RNF17: variants seen among roughly 807,000 people sequenced by gnomAD.
The protein encoded by RNF17 is ring finger protein 17, also known as spermatogenesis associated 23.
Under a neutral mutation model 200.5 loss-of-function variants are expected in RNF17, and 31 were observed. The ratio of observed to expected loss-of-function variants is 0.15; its 90% CI spans 0.12 to 0.21. The LOEUF is 0.21. Among genes scored for constraint, RNF17 ranks in the 10% least tolerant of loss-of-function variants. The pLI is 1.00. For synonymous variants in RNF17, 606 were observed against 637.8 expected (o/e 0.95, Z 0.75); for missense variants, 1,628 against 1,905.1 (o/e 0.85, Z 2.71).
intron 2 of RNF17, among the ~76,000 whole-genome samples, chr13:24,774,490 G>A (rs545963604): frequency 2.0e-5 from 3 of 152,360 alleles, no homozygotes; most frequent in African/African-American, 7.2e-5. Context: ...GATTACGGGC[G>A]TGAGCCCTCA....
At chr13:24,785,419 C>T (rs1646229082) in intron 6 of RNF17, among the ~76,000 whole-genome samples, 1 of 152,082 alleles carries the variant, frequency 6.6e-6, no homozygotes, top group Admixed American at 6.6e-5. Flanking sequence ...CCATTGTAGT[C>T]AGAAAAGATA....
chr13:24,881,055 A>G (rs1452652868), downstream of RNF17, among the ~76,000 whole-genome samples: 1 of 152,146 alleles, frequency 6.6e-6, no homozygotes, highest in Non-Finnish European at 1.5e-5. Flanking sequence ...AATGTATTCT[A>G]GTCATCCTTG....
intron 22 of RNF17, 94 bp from the exon 23 acceptor site, chr13:24,850,247 A>G (rs138661167): frequency 1.3e-5 from 9 of 686,486 alleles, no homozygotes; most frequent in African/African-American, 1.1e-4. Flanking sequence ...GGTTCAAACT[A>G]TGAGTGTATC....
intron 19 of RNF17, 118 bp downstream of exon 19, chr13:24,842,279 G>A: frequency 1.2e-6 from 1 of 823,586 alleles, no homozygotes; most frequent in Non-Finnish European, 1.8e-6. Flanking sequence ...GTAGACCTGA[G>A]AATTTTCCCT....
Position 24,800,374 on chromosome 13 carries a change from A to T in RNF17, c.1598A>T (p.Asp533Val). Residue 533 changes from aspartate (D) to valine (V), a missense_variant, in exon 13 of 36, where the codon GAT (aspartate) becomes GTT (valine). By Grantham distance (152) the Asp-to-Val change is radical. Transcript: ENST00000255324. ...ACTTGAATTTCTCCTAGAGTTGTTG[A>T]TACCCATGTGAGACCAGAACACTCT... ...SEVLIVTGVV[D>V]THVRPEHSAK... The T allele has an allele frequency of 6.3e-7, 1 of 1,580,430 alleles. No homozygotes were observed. The highest frequency in any genetic ancestry group is 8.6e-7 in the Non-Finnish European group (1 of 1,159,582).
At chr13:24,808,200 G>C (rs543289494) in intron 15 of RNF17, among the ~76,000 whole-genome samples, 33 of 151,974 alleles carry the variant, frequency 2.2e-4, no homozygotes, top group African/African-American at 7.2e-4. Flanking sequence ...TTGGTAGCTT[G>C]ATGGGGATGG....
At chr13:24,882,966 G>T (rs552883565), downstream of RNF17, 58 of 568,424 alleles carry the variant, frequency 1.0e-4, no homozygotes, top group African/African-American at 9.2e-4. Context: ...GCTTTCCTTA[G>T]TCTATTGAAA....
intron 15 of RNF17, among the ~76,000 whole-genome samples, chr13:24,815,199 G>C (rs1887231603): frequency 6.6e-6 from 1 of 152,034 alleles, no homozygotes; most frequent in Admixed American, 6.6e-5. Context: ...CATTTAGTTA[G>C]ATCTTATTTA....
At chr13:24,865,190 C>G (rs1893493557) in intron 29 of RNF17, among the ~76,000 whole-genome samples, 192 bp downstream of exon 29, 1 of 152,176 alleles carries the variant, frequency 6.6e-6, no homozygotes, top group Non-Finnish European at 1.5e-5. Flanking sequence ...CTGTAAAAGA[C>G]TTTAATTACA....
rs1007447484 is a variant in RNF17 at position 24,778,527 on chromosome 13, C to G, written c.429+121C>G. On this transcript the variant is annotated intron_variant, in intron 4 of 35. Transcript: ENST00000255324. Reference sequence around the variant, plus strand: ...TGGAAGTTTATACGTAACAAGTTAACCCACCCTCTTACTTGAATCTCTTTT... The same window carrying G: ...TGGAAGTTTATACGTAACAAGTTAAGCCACCCTCTTACTTGAATCTCTTTT... The G allele has an allele frequency of 4.2e-6, 3 of 710,112 alleles. No homozygotes were observed. In the East Asian group the frequency reaches 8.0e-5, roughly 19 times the overall value. The allele number at this position is 710,112 out of a possible 1,614,324, so 44.0% of individuals were successfully genotyped here.
chr13:24,792,995 C>T (rs1244624631), intron 9 of RNF17, 47 bp from the exon 10 acceptor site: 1 of 1,264,700 alleles, frequency 7.9e-7, no homozygotes, highest in African/African-American at 1.5e-5. Flanking sequence ...CATGGTTGTA[C>T]CATATACCTC....
chr13:24,775,225 C>T (rs1250112623), intron 3 of RNF17, among the ~76,000 whole-genome samples: 1 of 152,168 alleles, frequency 6.6e-6, no homozygotes, highest in African/African-American at 2.4e-5. Flanking sequence ...TTAGTTCTCT[C>T]TTGATTCTTT....
At chr13:24,756,200 T>A in the RNF17 span, among the ~76,000 whole-genome samples, 1 of 152,090 alleles carries the variant, frequency 6.6e-6, no homozygotes, top group Non-Finnish European at 1.5e-5. Flanking sequence ...AATAATGTCA[T>A]AAAAATATGG....
rs3213987 is a variant in RNF17 at position 24,858,980 on chromosome 13, A to G, written c.3611-21A>G. On this transcript the variant is annotated intron_variant, in intron 25 of 35. Coordinates refer to ENST00000255324, the MANE Select transcript of RNF17 (RefSeq NM_031277.3). ...TAGGGAATTTTCCTTAATGCTTTCT[A>G]TCTTTAATACTTTTTTTCAGAATTT... The G allele has an allele frequency of 4.8e-3, 7,016 of 1,461,210 alleles. 236 individuals carry two copies. The East Asian group carries it at 0.1, about 21-fold the overall frequency. The allele number at this position is 1,461,210 out of a possible 1,614,324, so 90.5% of individuals were successfully genotyped here.
intron 3 of RNF17, 108 bp downstream of exon 3, chr13:24,775,012 G>A (rs1388250653): frequency 1.5e-6 from 1 of 687,582 alleles, no homozygotes; most frequent in Admixed American, 2.8e-5. Context: ...CTAACCTACT[G>A]TTTATGGAAT....
intron 7 of RNF17, among the ~76,000 whole-genome samples, chr13:24,788,576 G>A (rs1048313971): frequency 7.9e-5 from 12 of 152,056 alleles, no homozygotes; most frequent in African/African-American, 2.7e-4. Flanking sequence ...AACTCTTAAC[G>A]TTAAAATTTA....
At chr13:24,833,842 C>A (rs1889684028) in intron 18 of RNF17, among the ~76,000 whole-genome samples, 1 of 152,068 alleles carries the variant, frequency 6.6e-6, no homozygotes, top group Admixed American at 6.6e-5. Flanking sequence ...TGCTGTGTTA[C>A]CTTAGAAAGC....
At chr13:24,842,652 G>A (rs1227851560) in intron 19 of RNF17, among the ~76,000 whole-genome samples, 1 of 152,120 alleles carries the variant, frequency 6.6e-6, no homozygotes, top group Non-Finnish European at 1.5e-5. Context: ...AGAAGCAGAA[G>A]AATAGAGTGG....
chr13:24,787,495 G>A (rs999623497), intron 6 of RNF17, among the ~76,000 whole-genome samples: 2 of 152,162 alleles, frequency 1.3e-5, no homozygotes, highest in African/African-American at 4.8e-5. Flanking sequence ...CTGAGTGGTT[G>A]TGTGTGCCCT....
Sources: gnomAD v4.1 joint callset for allele counts (sites outside exome capture counted in the v4.1 genomes callset) on GRCh38, gnomAD v4.1.1 for gene constraint, MANE v1.5 for transcripts, NCBI Gene and HGNC (gene_info 2026-07-23, HGNC 2026-07-21) for gene names.